The following HCN1 variants were observed in gnomAD, a reference collection of about 807,000 sequenced individuals.
HCN1 encodes potassium/sodium hyperpolarization-activated cyclic nucleotide-gated channel 1.
HCN1 carries 13 observed loss-of-function variants against 78.9 expected under a neutral mutation model. The ratio of observed to expected loss-of-function variants is 0.16; its 90% CI spans 0.11 to 0.26. The LOEUF (loss-of-function observed/expected upper bound fraction) is 0.26, where lower values mean the gene tolerates loss of function less well. HCN1 is among the 10% of genes least tolerant of loss of function. The probability of loss-of-function intolerance (pLI) is 1.00; values close to 1 mark genes in which losing one functional copy is unlikely to be tolerated. For synonymous variants in HCN1, 552 were observed against 455.5 expected (o/e 1.21, Z -2.70); for missense variants, 810 against 1,154.3 (o/e 0.70, Z 4.32).
intron 2 of HCN1, among the ~76,000 whole-genome samples, chr5:45,499,320 C>T (rs1468602971): frequency 1.3e-5 from 2 of 152,276 alleles, no homozygotes; most frequent in South Asian, 2.1e-4. Flanking sequence ...GTTGGAAAAG[C>T]GTAGTATTCG....
intron 4 of HCN1, among the ~76,000 whole-genome samples, chr5:45,370,839 C>G (rs1344274626): frequency 2.0e-5 from 3 of 151,936 alleles, no homozygotes; most frequent in Non-Finnish European, 4.4e-5. Context: ...TGCACACACT[C>G]TAAAAGAAGT....
At position 45,475,798 on chromosome 5, in the gene HCN1, GA is replaced by G. The variant is rs752031541; in HGVS notation, c.850-13792del. The stretch of plus-strand genomic sequence containing the variant: ...ATTATGTTTAGCATTTATTTAGAGA[GA>G]AAAAATGCACTTTTAGTTTGAGTCT... On this transcript the variant is annotated intron_variant, in intron 2 of 7. Coordinates refer to ENST00000303230, the MANE Select transcript of HCN1 (RefSeq NM_021072.4). 5.5e-4 allele frequency among the ~76,000 whole-genome samples: 84 copies of G among 152,104 alleles called. 1 individual carries two copies. Among genetic ancestry groups the G allele is most frequent in the Middle Eastern group, 3.4e-3 (1 of 294 alleles).
rs1217785835 is a variant in HCN1 at position 45,626,420 on chromosome 5, G to T, written c.849+18765C>A. ...GTGGCAGGTAATATCTAAGCACTGAGAATTGTGTACTAATCAATTATGAAC... is the reference window on the plus strand; with the variant it reads ...GTGGCAGGTAATATCTAAGCACTGATAATTGTGTACTAATCAATTATGAAC... On this transcript the variant is annotated intron_variant, in intron 2 of 7. Transcript: ENST00000303230. 3.3e-5 allele frequency among the ~76,000 whole-genome samples: 5 copies of T among 152,118 alleles called. No individual in the cohort carries two copies. In the East Asian group the frequency reaches 7.7e-4, roughly 23 times the overall value.
At chr5:45,428,641 A>C (rs1740399239) in intron 3 of HCN1, among the ~76,000 whole-genome samples, 1 of 152,100 alleles carries the variant, frequency 6.6e-6, no homozygotes, top group Non-Finnish European at 1.5e-5. Context: ...AACATTTAGT[A>C]TGATTTGAAC....
rs1490630913 is a variant in HCN1 at position 45,375,120 on chromosome 5, TTA to T, written c.1230+21370_1230+21371del. Among the ~76,000 whole-genome samples, 4 of 122,960 alleles carry T rather than the reference TTA, an allele frequency of 3.3e-5. 1 individual carries two copies. In the South Asian group the frequency reaches 8.9e-4, roughly 27 times the overall value. The allele number at this position is 122,960 out of a possible 152,430, so 80.7% of individuals were successfully genotyped here. A position where few individuals can be genotyped will look rare whatever the true frequency, so the allele number is the denominator to read the frequency against. ...ATAATATTTTATAATATATAATATA[TTA>T]TATATAATATATTTTATAATATATA... is the stretch of plus-strand genomic sequence containing the variant. On this transcript the variant is annotated intron_variant, in intron 4 of 7. Coordinates refer to ENST00000303230, the MANE Select transcript of HCN1 (RefSeq NM_021072.4).
At position 45,695,657 on chromosome 5, in the gene HCN1, G is replaced by A. The variant is rs748471108; in HGVS notation, c.425+12C>T. The A allele has an allele frequency of 4.3e-6, 7 of 1,610,126 alleles. No homozygotes were observed. The highest frequency in any genetic ancestry group is 1.7e-5 in the Admixed American group (1 of 59,810). Reference sequence around the variant, plus strand: ...CTGAAGGGAGGGTGGGGCGGCGACCGGGAGCCCTCACCTGAAATCACTGTA... The same window carrying A: ...CTGAAGGGAGGGTGGGGCGGCGACCAGGAGCCCTCACCTGAAATCACTGTA... On this transcript the variant is annotated intron_variant, in intron 1 of 7. Transcript: ENST00000303230.
At chr5:45,471,503 T>A (rs1017198656) in intron 2 of HCN1, among the ~76,000 whole-genome samples, 5 of 151,938 alleles carry the variant, frequency 3.3e-5, no homozygotes, top group Non-Finnish European at 7.4e-5. Context: ...AAAAGTTTAG[T>A]GTCTGTTCTG....
chr5:45,462,104 A>C, intron 2 of HCN1, 97 bp from the exon 3 acceptor site: 1 of 878,908 alleles, frequency 1.1e-6, no homozygotes, highest in Non-Finnish European at 1.8e-6. Flanking sequence ...TAGCGTAAGC[A>C]TTGATTTAAT....
intron 2 of HCN1, among the ~76,000 whole-genome samples, chr5:45,593,655 T>TTAC (rs1744432156): frequency 6.7e-6 from 1 of 149,180 alleles, no homozygotes; most frequent in African/African-American, 2.5e-5. Context: ...ATTATTATTA[T>TTAC]TATTATTATT....
intron 2 of HCN1, among the ~76,000 whole-genome samples, chr5:45,587,341 C>T (rs1744252181): frequency 6.6e-6 from 1 of 152,174 alleles, no homozygotes; most frequent in African/African-American, 2.4e-5. Context: ...AAATGTGGAA[C>T]ATATACACCA....
At chr5:45,540,003 A>G (rs1743066331) in intron 2 of HCN1, among the ~76,000 whole-genome samples, 1 of 146,584 alleles carries the variant, frequency 6.8e-6, no homozygotes, top group African/African-American at 2.5e-5. Context: ...TTACTTAATC[A>G]ATCTCCAATT....
intron 4 of HCN1, among the ~76,000 whole-genome samples, chr5:45,357,921 T>C (rs938110878): frequency 2.6e-4 from 40 of 151,996 alleles, no homozygotes; most frequent in Admixed American, 2.0e-3. Flanking sequence ...GAGAGCTTGA[T>C]GATAAAAAGA....
At chr5:45,426,768 A>G (rs1740358035) in intron 3 of HCN1, among the ~76,000 whole-genome samples, 1 of 152,204 alleles carries the variant, frequency 6.6e-6, no homozygotes, top group African/African-American at 2.4e-5. Context: ...ATGAAATCTG[A>G]GAATGTGTGT....
At chr5:45,317,035 G>A (rs1472264588) in intron 5 of HCN1, among the ~76,000 whole-genome samples, 1 of 152,042 alleles carries the variant, frequency 6.6e-6, no homozygotes, top group Non-Finnish European at 1.5e-5. Flanking sequence ...AGCTACCAAT[G>A]ACTTTCTTCA....
chr5:45,365,574 T>G (rs1455286670), intron 4 of HCN1, among the ~76,000 whole-genome samples: 1 of 152,038 alleles, frequency 6.6e-6, no homozygotes, highest in African/African-American at 2.4e-5. Flanking sequence ...CCACATTTTC[T>G]TTATCCATTC....
intron 3 of HCN1, among the ~76,000 whole-genome samples, chr5:45,445,889 C>T (rs1365495622): frequency 6.6e-6 from 1 of 152,178 alleles, no homozygotes. Context: ...CCCATCTGTA[C>T]ATCACCATCA....
Position 45,342,238 on chromosome 5 carries a change from C to CT in HCN1, c.1377+10861dup, listed in dbSNP as rs553095512. 6.0e-3 allele frequency among the ~76,000 whole-genome samples: 855 copies of CT among 141,354 alleles called. 5 individuals carry two copies. The highest frequency in any genetic ancestry group is 7.0e-3 in the African/African-American group (269 of 38,696). 92.7% of individuals were successfully genotyped at this position (141,354 alleles called of 152,430 possible). On this transcript the variant is annotated intron_variant, in intron 5 of 7. Transcript: ENST00000303230. ...TGAAATCTTTTCATATATTTCTTTC[C>CT]TTTTTTTTTTTTTGAGATGGAGTTT... is the stretch of plus-strand genomic sequence containing the variant.
At chr5:45,635,263 G>A (rs1288266444) in intron 2 of HCN1, among the ~76,000 whole-genome samples, 2 of 151,964 alleles carry the variant, frequency 1.3e-5, no homozygotes, top group African/African-American at 4.8e-5. Flanking sequence ...TGAGAAAAAT[G>A]TCTGAAAATG....
At chr5:45,461,328 C>T (rs1030905930) in intron 3 of HCN1, among the ~76,000 whole-genome samples, 1 of 151,940 alleles carries the variant, frequency 6.6e-6, no homozygotes, top group African/African-American at 2.4e-5. Context: ...AAATTTAAAG[C>T]CTACCTTTTC....
Sources: allele counts gnomAD v4.1 joint callset (sites outside exome capture counted in the v4.1 genomes callset), GRCh38; gene constraint gnomAD v4.1.1; transcripts MANE v1.5; gene names NCBI Gene and HGNC (gene_info 2026-07-23, HGNC 2026-07-21).